MUSK: variants seen among roughly 807,000 people sequenced by gnomAD.
The protein encoded by MUSK is muscle associated receptor tyrosine kinase.
A neutral mutation model predicts 88.7 loss-of-function variants in MUSK; 55 were observed. The observed-to-expected ratio is 0.62, with a 90% CI of 0.50 to 0.78. The LOEUF (loss-of-function observed/expected upper bound fraction) is 0.78, where lower values mean the gene tolerates loss of function less well. Among genes scored for constraint, MUSK ranks in the 30% least tolerant of loss-of-function variants. The pLI is 0.00. For missense variants in MUSK, 1,015 were observed against 1,074.3 expected, an observed-to-expected ratio of 0.94 and a Z score of 0.77; for synonymous variants, 387 against 391.9, an observed-to-expected ratio of 0.99 and a Z score of 0.15.
chr9:110,705,847 G>A (rs1418424899), intron 5 of MUSK, among the ~76,000 whole-genome samples: 1 of 152,144 alleles, frequency 6.6e-6, no homozygotes, highest in Non-Finnish European at 1.5e-5. Flanking sequence ...TGTGCCAAAG[G>A]GCTCTAGGAG....
At chr9:110,701,890 T>A (rs1053463270) in intron 5 of MUSK, among the ~76,000 whole-genome samples, 2 of 113,366 alleles carry the variant, frequency 1.8e-5, no homozygotes, top group African/African-American at 7.0e-5. Flanking sequence ...TTTTATTTTA[T>A]TTTATTTTAT....
chr9:110,720,452 T>A (rs11496548), intron 5 of MUSK, among the ~76,000 whole-genome samples: 40,511 of 151,762 alleles, frequency 0.27, 5,972 homozygotes, highest in East Asian at 0.6. Context: ...TATTCAAGGC[T>A]AATATGAACA....
At chr9:110,694,407 C>CAAAAAAAAAAA (rs1206302969) in intron 3 of MUSK, among the ~76,000 whole-genome samples, 1 of 105,310 alleles carries the variant, frequency 9.5e-6, no homozygotes, top group African/African-American at 3.7e-5. Flanking sequence ...AAAAAAAAAA[C>CAAAAAAAAAAA]AAAAAAACAA....
chr9:110,785,651 C>A lies in MUSK; in HGVS notation c.1711C>A (p.Pro571Thr), dbSNP rs1378295933. The A allele has an allele frequency of 1.9e-6, 3 of 1,612,590 alleles. No homozygotes were observed. The highest frequency in any genetic ancestry group is 1.7e-6 in the Non-Finnish European group (2 of 1,179,318). ...LNPKLLSLEY[P>T]RNNIEYVRDI... ...CCCCAAATTGCTCAGCCTGGAGTAT[C>A]CAAGGAATAACATTGAATATGTGAG... is the stretch of plus-strand genomic sequence containing the variant. The change falls in exon 13 of 15, where the codon CCA (proline) becomes ACA (threonine). Residue 571 changes from proline (P) to threonine (T), a missense_variant. Transcript: ENST00000374448.
intron 7 of MUSK, among the ~76,000 whole-genome samples, chr9:110,752,242 C>G (rs1263077248): frequency 1.3e-5 from 2 of 152,132 alleles, no homozygotes; most frequent in East Asian, 3.9e-4. Context: ...CATGAAGGTC[C>G]CTCTGGAATC....
chr9:110,697,388 G>C lies in MUSK; in HGVS notation c.550G>C (p.Asp184His), dbSNP rs1476185184. 6.2e-7 allele frequency: 1 copy of C among 1,613,042 alleles called. No individual in the cohort carries two copies. Among genetic ancestry groups the C allele is most frequent in the South Asian group, 1.1e-5 (1 of 90,916 alleles). ...SLRIHNVQKE[D>H]AGQYRCVAKN... ...GAGGATTCATAACGTACAAAAGGAA[G>C]ATGCAGGACAGTATCGATGTGTGGC... The change falls in exon 5 of 15, where the codon GAT becomes CAT. Residue 184 changes from aspartate (D) to histidine (H), a missense_variant. Transcript: ENST00000374448.
intron 6 of MUSK, among the ~76,000 whole-genome samples, chr9:110,742,047 A>T (rs1053549844): frequency 3.9e-5 from 6 of 152,274 alleles, no homozygotes; most frequent in Middle Eastern, 3.4e-3. Context: ...CTCTCTAAGA[A>T]CGTTTCAAGT....
intron 4 of MUSK, among the ~76,000 whole-genome samples, chr9:110,696,206 G>A (rs1305504014): frequency 6.6e-6 from 1 of 151,872 alleles, no homozygotes; most frequent in Non-Finnish European, 1.5e-5. Context: ...GAACCCGAGA[G>A]GCAGAGGTTG....
chr9:110,777,475 T>C (rs891676725), intron 11 of MUSK, among the ~76,000 whole-genome samples: 1 of 152,124 alleles, frequency 6.6e-6, no homozygotes, highest in African/African-American at 2.4e-5. Flanking sequence ...CTAGTTGAAT[T>C]ACTCAGAGGT....
intron 2 of MUSK, among the ~76,000 whole-genome samples, chr9:110,685,167 A>G (rs961922985): frequency 3.3e-5 from 5 of 152,102 alleles, no homozygotes; most frequent in African/African-American, 1.2e-4. Flanking sequence ...TTTTATCACA[A>G]AGGGATGCTG....
At chr9:110,736,280 A>G (rs2077029200) in intron 6 of MUSK, among the ~76,000 whole-genome samples, 1 of 152,132 alleles carries the variant, frequency 6.6e-6, no homozygotes, top group African/African-American at 2.4e-5. Flanking sequence ...TTATATATCC[A>G]TAAAATTTTA....
At chr9:110,726,078 G>A (rs2076880295) in intron 5 of MUSK, among the ~76,000 whole-genome samples, 1 of 152,058 alleles carries the variant, frequency 6.6e-6, no homozygotes, top group South Asian at 2.1e-4. Context: ...TCAATTGTGT[G>A]TGCATGCATG....
chr9:110,684,173 G>A (rs1031815151), intron 2 of MUSK, among the ~76,000 whole-genome samples: 2 of 152,034 alleles, frequency 1.3e-5, no homozygotes, highest in Non-Finnish European at 2.9e-5. Context: ...AGAGAGATAG[G>A]GGTCTAGTTT....
chr9:110,686,342 T>A (rs10980526), intron 2 of MUSK, among the ~76,000 whole-genome samples: 37,858 of 152,026 alleles, frequency 0.25, 6,303 homozygotes, highest in African/African-American at 0.46. Context: ...ATTTTAAGAT[T>A]CTTAACATCT....
At chr9:110,689,816 A>G (rs1231534245) in intron 3 of MUSK, among the ~76,000 whole-genome samples, 3 of 95,562 alleles carry the variant, frequency 3.1e-5, no homozygotes, top group Non-Finnish European at 5.5e-5. Flanking sequence ...ATAACTATAT[A>G]TTTAAATATA....
At chr9:110,777,981 G>T (rs1239807915) in intron 11 of MUSK, among the ~76,000 whole-genome samples, 1 of 152,072 alleles carries the variant, frequency 6.6e-6, no homozygotes, top group Non-Finnish European at 1.5e-5. Flanking sequence ...TAAAAGAGTT[G>T]GCTTTAGCAG....
At chr9:110,737,893 A>T (rs545174407) in intron 6 of MUSK, among the ~76,000 whole-genome samples, 1 of 152,270 alleles carries the variant, frequency 6.6e-6, no homozygotes, top group East Asian at 1.9e-4. Context: ...ATTGTCAACT[A>T]TAGGAACCCA....
chr9:110,797,857 T>C (rs2132057880), intron 14 of MUSK, among the ~76,000 whole-genome samples: 1 of 152,330 alleles, frequency 6.6e-6, no homozygotes, highest in African/African-American at 2.4e-5. Flanking sequence ...TTTCAACTTT[T>C]CTTAAAATGT....
intron 7 of MUSK, among the ~76,000 whole-genome samples, chr9:110,748,259 C>G (rs2131879426): frequency 6.6e-6 from 1 of 151,404 alleles, no homozygotes; most frequent in Admixed American, 6.6e-5. Context: ...TTCCCCACTC[C>G]TCGTTCTCTC....
Sources: allele counts gnomAD v4.1 joint callset (sites outside exome capture counted in the v4.1 genomes callset), GRCh38; gene constraint gnomAD v4.1.1; transcripts MANE v1.5; gene names NCBI Gene and HGNC (gene_info 2026-07-23, HGNC 2026-07-21).